ZNF714: variants seen among roughly 807,000 people sequenced by gnomAD.
ZNF714 encodes zinc finger protein 714.
In ZNF714, 32 loss-of-function variants were observed where a neutral mutation model predicts 46.2. The ratio of observed to expected loss-of-function variants is 0.69; its 90% CI spans 0.52 to 0.93. The LOEUF (loss-of-function observed/expected upper bound fraction) is 0.93, where lower values mean the gene tolerates loss of function less well. Among genes scored for constraint, ZNF714 ranks in the 40% least tolerant of loss-of-function variants. ZNF714 has a pLI of 0.00. For synonymous variants in ZNF714, 199 were observed against 213.1 expected (o/e 0.93, Z 0.58); for missense variants, 635 against 646.3 (o/e 0.98, Z 0.19).
rs2144885674 is a variant in ZNF714 at position 21,119,954 on chromosome 19, C to G, written c.*1622C>G. On this transcript the variant is annotated 3_prime_UTR_variant, in exon 5 of 5. Transcript: ENST00000456283. ...AATGATGTCATTCAACTCTGAAATT[C>G]CTGCCGTTTCTTCATTCCTATTGGA... 6.6e-6 allele frequency: 1 copy of G among 152,224 alleles called. No homozygotes were observed. The highest frequency in any genetic ancestry group is 2.4e-5 in the African/African-American group (1 of 41,546). The allele number at this position is 152,224 out of a possible 1,614,324, so 9.4% of individuals were successfully genotyped here.
At position 21,122,962 on chromosome 19, in the gene ZNF714, C is replaced by G. The variant is rs1453922365; in HGVS notation, c.*4630C>G. The G allele has an allele frequency of 6.6e-6, 1 of 152,152 alleles. No homozygotes were observed. Among genetic ancestry groups the G allele is most frequent in the Non-Finnish European group, 1.5e-5 (1 of 68,060 alleles). 9.4% of individuals were successfully genotyped at this position (152,152 alleles called of 1,614,324 possible). A position where few individuals can be genotyped will look rare whatever the true frequency, so the allele number is the denominator to read the frequency against. On this transcript the variant is annotated 3_prime_UTR_variant, in exon 5 of 5. Transcript: ENST00000456283. ...TTGAGCTCAGGAGTTCGAGACCAGCCTGACCAACATGGTGAAACCCCGTGT... is the reference window on the plus strand; with the variant it reads ...TTGAGCTCAGGAGTTCGAGACCAGCGTGACCAACATGGTGAAACCCCGTGT...
rs1555699936 is a variant in ZNF714 at position 21,098,958 on chromosome 19, G to GT, written c.142+49dup. The GT allele has an allele frequency of 8.8e-6, 6 of 679,766 alleles. No individual in the cohort carries two copies. In the African/African-American group the frequency reaches 9.8e-5, roughly 11 times the overall value. 42.1% of individuals were successfully genotyped at this position (679,766 alleles called of 1,614,324 possible). A position where few individuals can be genotyped will look rare whatever the true frequency, so the allele number is the denominator to read the frequency against. ...GATGACACAGATGAGAGGTACAAAG[G>GT]TAAAAAAAAAAAAAAAGCAAGCCGG... On this transcript the variant is annotated intron_variant, in intron 4 of 4. Transcript: ENST00000456283.
intron 4 of ZNF714, among the ~76,000 whole-genome samples, chr19:21,110,679 G>A (rs75750474): frequency 6.6e-6 from 1 of 152,106 alleles, no homozygotes; most frequent in East Asian, 1.9e-4. Context: ...TGTCCTGAAT[G>A]GTATTGCCTA....
intron 2 of ZNF714, among the ~76,000 whole-genome samples, chr19:21,089,284 G>C (rs1282748475): frequency 1.3e-5 from 2 of 152,154 alleles, no homozygotes; most frequent in African/African-American, 4.8e-5. Flanking sequence ...GGCTGCTAGA[G>C]CTTGAATATC....
rs1969767005 is a variant in ZNF714 at position 21,124,802 on chromosome 19, C to T, written c.*6470C>T. Among the ~76,000 whole-genome samples, 1 of 152,076 alleles carries T rather than the reference C, an allele frequency of 6.6e-6. No individual in the cohort carries two copies. ...CTGATGGTCACCATTTTACTCTATA[C>T]ATCAATGGGATTAAGATTTTTGGAA... On this transcript the variant is annotated 3_prime_UTR_variant, in exon 5 of 5. Transcript: ENST00000456283.
intron 4 of ZNF714, among the ~76,000 whole-genome samples, chr19:21,111,228 T>G (rs1202614849): frequency 6.6e-6 from 1 of 152,028 alleles, no homozygotes; most frequent in Non-Finnish European, 1.5e-5. Flanking sequence ...TTTGTTTGTG[T>G]CCTCTCTGAT....
chr19:21,122,033 A>T lies in ZNF714; in HGVS notation c.*3701A>T, dbSNP rs1270243095. The stretch of plus-strand genomic sequence containing the variant: ...CACTCCATTTTGTTCTTTTAAGGGG[A>T]GAACAATATATAAGTTTTCTTTTCT... On this transcript the variant is annotated 3_prime_UTR_variant, in exon 5 of 5. Transcript: ENST00000456283. 1 of 152,180 alleles carries T rather than the reference A, an allele frequency of 6.6e-6. No homozygotes were observed. Among genetic ancestry groups the T allele is most frequent in the Non-Finnish European group, 1.5e-5 (1 of 68,024 alleles). 9.4% of individuals were successfully genotyped at this position (152,180 alleles called of 1,614,324 possible). A position where few individuals can be genotyped will look rare whatever the true frequency, so the allele number is the denominator to read the frequency against.
chr19:21,087,005 A>G (rs1968795888), intron 2 of ZNF714, among the ~76,000 whole-genome samples: 1 of 152,158 alleles, frequency 6.6e-6, no homozygotes, highest in African/African-American at 2.4e-5. Flanking sequence ...AGTTCAGTCC[A>G]TTCAGTTAAT....
chr19:21,115,273 ATAAT>A lies in ZNF714; in HGVS notation c.143-1530_143-1527del, dbSNP rs559931435. Among the ~76,000 whole-genome samples, 386 of 152,142 alleles carry A rather than the reference ATAAT, an allele frequency of 2.5e-3. 11 individuals are homozygous for A. In the South Asian group the frequency reaches 0.043, roughly 17 times the overall value. On this transcript the variant is annotated intron_variant, in intron 4 of 4. Coordinates refer to ENST00000456283, the MANE Select transcript of ZNF714 (RefSeq NM_182515.4). ...TCTTTTACCTTTCAAATTTTAGAGA[ATAAT>A]TAAAAATGTTTTTTGTGCCATTATT...
At chr19:21,101,359 C>G (rs1382916517) in intron 4 of ZNF714, among the ~76,000 whole-genome samples, 1 of 152,154 alleles carries the variant, frequency 6.6e-6, no homozygotes, top group African/African-American at 2.4e-5. Context: ...CAAGACTGCT[C>G]AGTCTGCACT....
intron 4 of ZNF714, among the ~76,000 whole-genome samples, chr19:21,099,737 G>A (rs918652189): frequency 7.2e-5 from 11 of 151,880 alleles, no homozygotes; most frequent in East Asian, 3.9e-4. Context: ...TTTTAGAATC[G>A]TATTTTCTAT....
In ZNF714 at chr19:21,117,139, C is replaced by T; in HGVS notation, c.475C>T (p.His159Tyr). ...TGATGAATCATTTTGCATGCTTTTA[C>T]ACCTACATCAACATAAAAGAATTCA... Reference protein sequence around the residue: ...KCDESFCMLLHLHQHKRIHIR... With the variant: ...KCDESFCMLLYLHQHKRIHIR... Residue 159 changes from histidine (H) to tyrosine (Y), a missense_variant, in exon 5 of 5, where the codon CAC becomes TAC. His to Tyr is a moderately conservative substitution (Grantham distance 83, BLOSUM62 2). Coordinates refer to ENST00000456283, the MANE Select transcript of ZNF714 (RefSeq NM_182515.4). The T allele has an allele frequency of 1.9e-6, 3 of 1,613,840 alleles. No homozygotes were observed. The highest frequency in any genetic ancestry group is 2.5e-6 in the Non-Finnish European group (3 of 1,179,872).
Position 21,123,752 on chromosome 19 carries a change from C to G in ZNF714, c.*5420C>G, listed in dbSNP as rs1312157866. 1 of 152,068 alleles carries G rather than the reference C, an allele frequency of 6.6e-6. No individual in the cohort carries two copies. Among genetic ancestry groups the G allele is most frequent in the African/African-American group, 2.4e-5 (1 of 41,392 alleles). The allele number at this position is 152,068 out of a possible 1,614,324, so 9.4% of individuals were successfully genotyped here. ...TAAAGATTGCAAAATAATAAAATGA[C>G]CTCTGAATTTAAAATTTAGAAAAAT... is the stretch of plus-strand genomic sequence containing the variant. On this transcript the variant is annotated 3_prime_UTR_variant, in exon 5 of 5. Transcript: ENST00000456283.
chr19:21,121,469 AT>A lies in ZNF714; in HGVS notation c.*3143del, dbSNP rs1412944806. The A allele has an allele frequency of 3.3e-5, 5 of 152,148 alleles. No individual in the cohort carries two copies. Among genetic ancestry groups the A allele is most frequent in the African/African-American group, 1.2e-4 (5 of 41,438 alleles). The allele number at this position is 152,148 out of a possible 1,614,324, so 9.4% of individuals were successfully genotyped here. ...TAAAATTCATTTCTAAACTATTAAT[AT>A]TTTTTCCAAATTGTTATATATTTTT... On this transcript the variant is annotated 3_prime_UTR_variant, in exon 5 of 5. Transcript: ENST00000456283.
At chr19:21,104,608 A>ATATTTATT (rs60281456) in intron 4 of ZNF714, among the ~76,000 whole-genome samples, 26 of 150,780 alleles carry the variant, frequency 1.7e-4, no homozygotes, top group African/African-American at 4.4e-4. Flanking sequence ...ATTTATTTAT[A>ATATTTATT]TATTTATTTA....
At chr19:21,114,155 C>G (rs1185190434) in intron 4 of ZNF714, among the ~76,000 whole-genome samples, 5 of 151,870 alleles carry the variant, frequency 3.3e-5, no homozygotes, top group Admixed American at 6.6e-5. Context: ...ACTGTGATTG[C>G]AGGCTGGGCT....
In ZNF714 at chr19:21,116,831, A is replaced by G. The variant is rs1265606277; in HGVS notation, c.167A>G (p.Asp56Gly). 6.3e-7 allele frequency: 1 copy of G among 1,596,960 alleles called. No individual in the cohort carries two copies. Among genetic ancestry groups the G allele is most frequent in the South Asian group, 1.1e-5 (1 of 87,704 alleles). Residue 56 changes from aspartate to glycine, a missense_variant, in exon 5 of 5, where the codon GAC becomes GGC. Asp to Gly is a moderately conservative substitution (Grantham distance 94). Transcript: ENST00000456283. ...SPAMCSSFTR[D>G]LWPEQDIKDS... Reference sequence around the variant, plus strand: ...GCTATGTGTTCTTCTTTTACCAGAGACCTTTGGCCAGAGCAAGACATAAAA... The same window carrying G: ...GCTATGTGTTCTTCTTTTACCAGAGGCCTTTGGCCAGAGCAAGACATAAAA...
chr19:21,110,009 G>A (rs1401477447), intron 4 of ZNF714, among the ~76,000 whole-genome samples: 1 of 152,120 alleles, frequency 6.6e-6, no homozygotes, highest in Non-Finnish European at 1.5e-5. Context: ...TGGGCATTTG[G>A]GTTGATGCCA....
In ZNF714 at chr19:21,098,868, C is replaced by G. The variant is rs778231490; in HGVS notation, c.100C>G (p.Pro34Ala). The change falls in exon 4 of 5, where the codon CCC (proline) becomes GCC (alanine). Residue 34 changes from proline to alanine, a missense_variant. Physicochemically the swap from Pro to Ala is conservative, Grantham distance 27. Transcript: ENST00000456283. ...CACCAGTCTAGAGCAAGAAAAAGAG[C>G]CCTGGAATATGAAGATATGTGAGAT... ...PITSLEQEKE[P>A]WNMKICEMVD... The G allele has an allele frequency of 1.2e-6, 2 of 1,611,106 alleles. No homozygotes were observed. Among genetic ancestry groups the G allele is most frequent in the Admixed American group, 3.3e-5 (2 of 59,796 alleles).
Sources: allele counts gnomAD v4.1 joint callset (sites outside exome capture counted in the v4.1 genomes callset), GRCh38; gene constraint gnomAD v4.1.1; transcripts MANE v1.5; gene names NCBI Gene and HGNC (gene_info 2026-07-23, HGNC 2026-07-21).